Variants in CSTPP1 observed in about 807,000 individuals in gnomAD.
CSTPP1 encodes UPF0705 protein C11orf49.
chr11:47,062,835 C>A, the CSTPP1 span, among the ~76,000 whole-genome samples: 2,295 of 152,298 alleles, frequency 0.015, 59 homozygotes, highest in African/African-American at 0.053. Flanking sequence ...ATAAAAGTCT[C>A]AATTTCAGTT....
the CSTPP1 span, among the ~76,000 whole-genome samples, chr11:47,044,850 A>G: frequency 6.6e-5 from 10 of 152,258 alleles, no homozygotes; most frequent in African/African-American, 2.2e-4. Context: ...TCAAGCTTCT[A>G]GTGAGCTATG....
chr11:47,098,507 CT>C, the CSTPP1 span, among the ~76,000 whole-genome samples: 20,480 of 137,296 alleles, frequency 0.15, 2,345 homozygotes, highest in East Asian at 0.64. Flanking sequence ...TTTCTTTTTT[CT>C]TTTTTTTTTT....
the CSTPP1 span, among the ~76,000 whole-genome samples, chr11:47,122,086 AAAAAAATAT>A: frequency 3.4e-3 from 351 of 102,512 alleles, 1 homozygote; most frequent in African/African-American, 0.012. Flanking sequence ...AAAAAAAAAA[AAAAAAATAT>A]ATATATATAT....
the CSTPP1 span, among the ~76,000 whole-genome samples, chr11:47,156,128 T>C: frequency 2.4e-4 from 36 of 152,326 alleles, no homozygotes; most frequent in Non-Finnish European, 4.6e-4. Flanking sequence ...GGGCGCCACA[T>C]TCTGTTTACT....
chr11:46,955,999 C>CA, the CSTPP1 span, among the ~76,000 whole-genome samples: 1 of 112,044 alleles, frequency 8.9e-6, no homozygotes, highest in African/African-American at 3.3e-5. Flanking sequence ...CCCCCCCCCC[C>CA]ACCAAAAAAA....
the CSTPP1 span, among the ~76,000 whole-genome samples, chr11:47,037,117 G>C: frequency 2.4e-5 from 3 of 127,276 alleles, no homozygotes; most frequent in Non-Finnish European, 5.6e-5. Flanking sequence ...ATGTAGATGT[G>C]TCAAAAGGAC....
the CSTPP1 span, among the ~76,000 whole-genome samples, chr11:46,957,005 CA>C: frequency 6.6e-6 from 1 of 151,438 alleles, no homozygotes; most frequent in Non-Finnish European, 1.5e-5. Flanking sequence ...CCTTTTTGAA[CA>C]TTTTTTTTCA....
At chr11:47,041,974 T>G in the CSTPP1 span, 1 of 218,240 alleles carries the variant, frequency 4.6e-6, no homozygotes, top group South Asian at 5.0e-5. Flanking sequence ...GAGACTGAGG[T>G]GGAAGGATCA....
the CSTPP1 span, among the ~76,000 whole-genome samples, chr11:47,025,142 G>A: frequency 6.6e-6 from 1 of 152,232 alleles, no homozygotes; most frequent in African/African-American, 2.4e-5. Context: ...AACTAAAGTT[G>A]GGAATATGAG....
the CSTPP1 span, among the ~76,000 whole-genome samples, chr11:47,055,798 G>A: frequency 1.3e-5 from 2 of 152,132 alleles, no homozygotes; most frequent in Non-Finnish European, 2.9e-5. Flanking sequence ...CTCCATTACA[G>A]TATTATGAAA....
the CSTPP1 span, among the ~76,000 whole-genome samples, chr11:46,998,215 A>T: frequency 6.6e-6 from 1 of 152,148 alleles, no homozygotes; most frequent in Admixed American, 6.5e-5. Flanking sequence ...TTTGTGGTAA[A>T]GCTCTATATT....
the CSTPP1 span, among the ~76,000 whole-genome samples, chr11:47,013,928 A>G: frequency 2.0e-5 from 3 of 152,188 alleles, no homozygotes; most frequent in African/African-American, 7.2e-5. Flanking sequence ...AATAATAGCC[A>G]GGTGCAGTAG....
chr11:46,986,287 G>A, the CSTPP1 span, among the ~76,000 whole-genome samples: 1 of 152,076 alleles, frequency 6.6e-6, no homozygotes, highest in Non-Finnish European at 1.5e-5. Flanking sequence ...ACATTTCCAA[G>A]TCACAACAAA....
At chr11:47,120,279 G>A in the CSTPP1 span, among the ~76,000 whole-genome samples, 1 of 152,126 alleles carries the variant, frequency 6.6e-6, no homozygotes, top group Non-Finnish European at 1.5e-5. This position sits in a 1 kb window ranked among gnomAD's most constrained non-coding sequence, Gnocchi z 4.2. Flanking sequence ...ACTGTGTACT[G>A]TGTGCCAGTC....
chr11:46,955,032 G>A, the CSTPP1 span, among the ~76,000 whole-genome samples: 4 of 151,608 alleles, frequency 2.6e-5, no homozygotes, highest in African/African-American at 9.7e-5. Flanking sequence ...AAAAGGATCA[G>A]GAAAAAAACA....
the CSTPP1 span, among the ~76,000 whole-genome samples, chr11:47,010,933 G>C: frequency 2.0e-5 from 3 of 152,146 alleles, no homozygotes; most frequent in African/African-American, 7.2e-5. Context: ...CTAAGTATCA[G>C]AAGTTTTCTT....
the CSTPP1 span, among the ~76,000 whole-genome samples, chr11:46,977,593 A>G: frequency 1.3e-5 from 2 of 152,342 alleles, no homozygotes; most frequent in East Asian, 3.9e-4. Context: ...CAAGAGCACA[A>G]CAGAACCTTT....
chr11:47,157,347 C>T, the CSTPP1 span: 1 of 1,070,498 alleles, frequency 9.3e-7, no homozygotes, highest in Non-Finnish European at 1.3e-6. Context: ...CATAATGTAA[C>T]AGTGCCATTT....
At chr11:46,994,530 T>A in the CSTPP1 span, among the ~76,000 whole-genome samples, 1 of 152,234 alleles carries the variant, frequency 6.6e-6, no homozygotes, top group Non-Finnish European at 1.5e-5. Flanking sequence ...TCTGTTGAGA[T>A]AATCATGTGG....
Sources: allele counts gnomAD v4.1 joint callset (sites outside exome capture counted in the v4.1 genomes callset), GRCh38; gene constraint gnomAD v4.1.1; non-coding constraint Gnocchi (gnomAD v3.1); transcripts MANE v1.5; gene names NCBI Gene and HGNC (gene_info 2026-07-23, HGNC 2026-07-21).